Variants in PRKN observed in about 807,000 individuals in gnomAD.
PRKN encodes E3 ubiquitin-protein ligase parkin.
In PRKN, 56 loss-of-function variants were observed where a neutral mutation model predicts 59.5. The ratio of observed to expected loss-of-function variants is 0.94; its 90% CI spans 0.76 to 1.18. PRKN has a LOEUF of 1.18. PRKN is among the 50% of genes most tolerant of loss of function. The pLI is 0.00. For missense variants in PRKN, 657 were observed against 596.4 expected (o/e 1.10, Z -1.06); for synonymous variants, 250 against 222.1 (o/e 1.13, Z -1.12).
chr6:162,152,792 A>T (rs1782328088), intron 4 of PRKN, among the ~76,000 whole-genome samples: 1 of 152,224 alleles, frequency 6.6e-6, no homozygotes, highest in African/African-American at 2.4e-5. Flanking sequence ...TGTATCTCAT[A>T]GAAAGAGTAA....
intron 6 of PRKN, among the ~76,000 whole-genome samples, chr6:161,941,630 A>G (rs1779570955): frequency 6.6e-6 from 1 of 152,152 alleles, no homozygotes; most frequent in South Asian, 2.1e-4. Context: ...TGGCTAAACT[A>G]AAAGAGCACC....
At chr6:162,664,837 G>A (rs1779033734) in intron 1 of PRKN, among the ~76,000 whole-genome samples, 1 of 152,022 alleles carries the variant, frequency 6.6e-6, no homozygotes, top group Admixed American at 6.6e-5. Flanking sequence ...TAGGTTGCCT[G>A]TGCACTCTGA....
chr6:161,519,625 T>C (rs1778746810), intron 9 of PRKN, among the ~76,000 whole-genome samples: 2 of 152,136 alleles, frequency 1.3e-5, no homozygotes, highest in African/African-American at 2.4e-5. Context: ...AGGGAAGAGA[T>C]ATAAACAAGC....
intron 4 of PRKN, among the ~76,000 whole-genome samples, chr6:162,199,297 A>G (rs1179407439): frequency 2.0e-5 from 3 of 152,122 alleles, no homozygotes; most frequent in Non-Finnish European, 4.4e-5. Context: ...GTCCACACTC[A>G]TAAGTTCCTC....
rs1437755764 is a variant in PRKN at position 161,396,106 on chromosome 6, G to T, written c.1084-9229C>A. On this transcript the variant is annotated intron_variant, in intron 9 of 11. Transcript: ENST00000366898. The surrounding 1 kb of genome is among the most constrained non-coding windows in gnomAD (Gnocchi z 5.4). ...GGACAGGGGAAGCTGGGGTGGGAGT[G>T]CTGTATGCTCTCGGTCCCTAATCCC... is the stretch of plus-strand genomic sequence containing the variant. Among the ~76,000 whole-genome samples, 1 of 152,156 alleles carries T rather than the reference G, an allele frequency of 6.6e-6. No homozygotes were observed. The highest frequency in any genetic ancestry group is 1.5e-5 in the Non-Finnish European group (1 of 68,038).
intron 7 of PRKN, among the ~76,000 whole-genome samples, chr6:161,708,798 G>A (rs1488323675): frequency 6.6e-6 from 1 of 152,178 alleles, no homozygotes; most frequent in Admixed American, 6.5e-5. Context: ...CAGTGGAGCT[G>A]GTTTCTAGAG....
At chr6:161,746,692 GTATATGTA>G (rs1337750940) in intron 7 of PRKN, among the ~76,000 whole-genome samples, 20 of 140,924 alleles carry the variant, frequency 1.4e-4, no homozygotes, top group African/African-American at 4.8e-4. Context: ...ATCTATATAG[GTATATGTA>G]TATATGTATA....
At chr6:162,209,051 G>T (rs1395342712) in intron 3 of PRKN, among the ~76,000 whole-genome samples, 1 of 152,178 alleles carries the variant, frequency 6.6e-6, no homozygotes, top group Non-Finnish European at 1.5e-5. Flanking sequence ...AGGACTTCAT[G>T]ACTGAAACAC....
rs1562418907 is a variant in PRKN at position 161,395,918 on chromosome 6, AAC to A, written c.1084-9043_1084-9042del. On this transcript the variant is annotated intron_variant, in intron 9 of 11. Transcript: ENST00000366898. The surrounding 1 kb of genome is among the most constrained non-coding windows in gnomAD (Gnocchi z 5.0). ...AATGAATTTAAGCTCAGCGGCTTTA[AAC>A]ACAGACAGCCAACAAATTAGAGGTC... Among the ~76,000 whole-genome samples, 1 of 152,190 alleles carries A rather than the reference AAC, an allele frequency of 6.6e-6. No homozygotes were observed. The highest frequency in any genetic ancestry group is 1.5e-5 in the Non-Finnish European group (1 of 68,034).
intron 7 of PRKN, among the ~76,000 whole-genome samples, chr6:161,573,745 AAAAAAAAAAAATATATATATATAT>A (rs1781000488): frequency 3.1e-5 from 1 of 32,316 alleles, no homozygotes; most frequent in Non-Finnish European, 5.2e-5. Flanking sequence ...AAAAAAAAAA[AAAAAAAAAAAATATATATATATAT>A]ATATATATAT....
chr6:162,600,144 C>T (rs745346644), intron 1 of PRKN, among the ~76,000 whole-genome samples: 24 of 152,276 alleles, frequency 1.6e-4, no homozygotes, highest in Non-Finnish European at 2.6e-4. Context: ...CCAGTAACAG[C>T]GTTCCCTAAC....
At chr6:161,973,937 G>T (rs1310077008) in intron 5 of PRKN, among the ~76,000 whole-genome samples, 1 of 152,176 alleles carries the variant, frequency 6.6e-6, no homozygotes, top group Non-Finnish European at 1.5e-5. Context: ...ACTGTAAATA[G>T]CCACACAAGT....
intron 1 of PRKN, among the ~76,000 whole-genome samples, chr6:162,571,026 T>G (rs1398591699): frequency 6.6e-6 from 1 of 152,160 alleles, no homozygotes; most frequent in African/African-American, 2.4e-5. Flanking sequence ...TGCATGCCTG[T>G]ATCAAAATAT....
intron 4 of PRKN, among the ~76,000 whole-genome samples, chr6:162,089,502 T>C (rs974730437): frequency 1.3e-5 from 2 of 152,174 alleles, no homozygotes; most frequent in Non-Finnish European, 2.9e-5. Context: ...TACCTTAAAA[T>C]AGTGTTACCA....
rs1167330477 is a variant in PRKN at position 161,399,496 on chromosome 6, G to A, written c.1084-12619C>T. ...GCCAGAGCCCAGAAGTGCTCGTCCT[G>A]GCTCCTGCACCTGCTCATCTGCATG... On this transcript the variant is annotated intron_variant, in intron 9 of 11. Coordinates refer to ENST00000366898, the MANE Select transcript of PRKN (RefSeq NM_004562.3). This position sits in a 1 kb window ranked among gnomAD's most constrained non-coding sequence, Gnocchi z 4.4. Among the ~76,000 whole-genome samples, 1 of 152,172 alleles carries A rather than the reference G, an allele frequency of 6.6e-6. No individual in the cohort carries two copies. The highest frequency in any genetic ancestry group is 1.5e-5 in the Non-Finnish European group (1 of 68,040).
intron 1 of PRKN, among the ~76,000 whole-genome samples, chr6:162,572,250 C>T (rs1305857079): frequency 1.3e-5 from 2 of 152,168 alleles, no homozygotes; most frequent in Non-Finnish European, 2.9e-5. Context: ...TTATTGCTTA[C>T]TATGATCTCC....
intron 7 of PRKN, among the ~76,000 whole-genome samples, chr6:161,619,341 C>CAA (rs1388171962): frequency 0.027 from 1,560 of 58,680 alleles, 28 homozygotes; most frequent in African/African-American, 0.06. Context: ...TTTTTTTTTT[C>CAA]TTCTCCTTAC....
At chr6:162,536,546 G>A (rs1401807835) in intron 1 of PRKN, among the ~76,000 whole-genome samples, 3 of 151,978 alleles carry the variant, frequency 2.0e-5, no homozygotes, top group African/African-American at 4.8e-5. Flanking sequence ...CATCTTCCCT[G>A]CTTGTCTGTA....
chr6:162,351,498 T>C (rs1784623995), intron 2 of PRKN, among the ~76,000 whole-genome samples: 2 of 152,072 alleles, frequency 1.3e-5, no homozygotes, highest in East Asian at 1.9e-4. Flanking sequence ...AAATGGAAAA[T>C]GGTACAACTA....
Sources: allele counts gnomAD v4.1 joint callset (sites outside exome capture counted in the v4.1 genomes callset), GRCh38; gene constraint gnomAD v4.1.1; non-coding constraint Gnocchi (gnomAD v3.1); transcripts MANE v1.5; gene names NCBI Gene and HGNC (gene_info 2026-07-23, HGNC 2026-07-21).